Variants in IL17A observed in about 807,000 individuals in gnomAD.
The protein encoded by IL17A is interleukin 17A.
Under a neutral mutation model 7.2 loss-of-function variants are expected in IL17A, and 1 was observed. The ratio of observed to expected loss-of-function variants is 0.14; its 90% confidence interval spans 0.05 to 0.66. The LOEUF (loss-of-function observed/expected upper bound fraction) is 0.66, where lower values mean the gene tolerates loss of function less well. Among genes scored for constraint, IL17A ranks in the 30% least tolerant of loss-of-function variants. The probability of loss-of-function intolerance (pLI) is 0.84; values close to 1 mark genes in which losing one functional copy is unlikely to be tolerated. For synonymous variants in IL17A, 90 were observed against 77.7 expected (o/e 1.16, Z -0.83); for missense variants, 191 against 197.1 (o/e 0.97, Z 0.18).
At chr6:52,186,943 G>T (rs957839397) in intron 1 of IL17A, among the ~76,000 whole-genome samples, 4 of 151,772 alleles carry the variant, frequency 2.6e-5, no homozygotes, top group Non-Finnish European at 5.9e-5. Flanking sequence ...GAATAAGTGG[G>T]GTTTATATTT....
In IL17A at chr6:52,189,317, C is replaced by T. The variant is rs751379882; in HGVS notation, c.*25C>T. The T allele has an allele frequency of 1.3e-6, 2 of 1,585,570 alleles. No homozygotes were observed. The highest frequency in any genetic ancestry group is 2.7e-5 in the African/African-American group (2 of 74,330). On this transcript the variant is annotated 3_prime_UTR_variant, in exon 3 of 3. Coordinates refer to ENST00000648244, the MANE Select transcript of IL17A (RefSeq NM_002190.3). ...AGAGCTCTGGGGAGCCCACACTCCC[C>T]AAAGCAGTTAGACTATGGAGAGCCG...
rs1763338364 is a variant in IL17A at position 52,189,344 on chromosome 6, C to T, written c.*52C>T. On this transcript the variant is annotated 3_prime_UTR_variant, in exon 3 of 3. Coordinates refer to ENST00000648244, the MANE Select transcript of IL17A (RefSeq NM_002190.3). ...AAGCAGTTAGACTATGGAGAGCCGA[C>T]CCAGCCCCTCAGGAACCCTCATCCT... 7.3e-7 allele frequency: 1 copy of T among 1,373,848 alleles called. No individual in the cohort carries two copies. 85.1% of individuals were successfully genotyped at this position (1,373,848 alleles called of 1,614,324 possible). A position where few individuals can be genotyped will look rare whatever the true frequency, so the allele number is the denominator to read the frequency against.
rs1444067564 is a variant in IL17A, at chr6:52,189,270, C to T, written c.446C>T (p.Pro149Leu). Residue 149 changes from proline to leucine, a missense_variant, in exon 3 of 3, where the codon CCG becomes CTG. Coordinates refer to ENST00000648244, the MANE Select transcript of IL17A (RefSeq NM_002190.3). ...TCCGTGGGCTGCACCTGTGTCACCCCGATTGTCCACCATGTGGCCTAAGAG... is the reference window on the plus strand; with the variant it reads ...TCCGTGGGCTGCACCTGTGTCACCCTGATTGTCCACCATGTGGCCTAAGAG... ...LVSVGCTCVTPIVHHVA is the reference protein window; with the variant it reads ...LVSVGCTCVTLIVHHVA 1.9e-6 allele frequency: 3 copies of T among 1,613,856 alleles called. No homozygotes were observed. Among genetic ancestry groups the T allele is most frequent in the Non-Finnish European group, 1.7e-6 (2 of 1,179,936 alleles).
Position 52,189,528 on chromosome 6 carries a change from T to A in IL17A, c.*236T>A. On this transcript the variant is annotated 3_prime_UTR_variant, in exon 3 of 3. Coordinates refer to ENST00000648244, the MANE Select transcript of IL17A (RefSeq NM_002190.3). ...TGACTGAGTACCAATTTGCTTCTTG[T>A]TTACTTTTTTAAGGGCTTTAAGTTA... 2.3e-6 allele frequency: 1 copy of A among 432,708 alleles called. No homozygotes were observed. Among genetic ancestry groups the A allele is most frequent in the Non-Finnish European group, 4.1e-6 (1 of 245,766 alleles). The allele number at this position is 432,708 out of a possible 1,614,324, so 26.8% of individuals were successfully genotyped here. A position where few individuals can be genotyped will look rare whatever the true frequency, so the allele number is the denominator to read the frequency against.
chr6:52,190,034 T>A lies in IL17A; in HGVS notation c.*742T>A, dbSNP rs1445765336. 6.6e-6 allele frequency: 1 copy of A among 152,220 alleles called. No homozygotes were observed. The highest frequency in any genetic ancestry group is 1.5e-5 in the Non-Finnish European group (1 of 68,032). The allele number at this position is 152,220 out of a possible 1,614,324, so 9.4% of individuals were successfully genotyped here. ...TAATAAAGTTTCAAAAGAAAATGTTTATTTGTTCTCATTAAATGTATTTTA... is the reference window on the plus strand; with the variant it reads ...TAATAAAGTTTCAAAAGAAAATGTTAATTTGTTCTCATTAAATGTATTTTA... On this transcript the variant is annotated 3_prime_UTR_variant, in exon 3 of 3. Transcript: ENST00000648244.
At chr6:52,187,145 C>T (rs184086638) in intron 1 of IL17A, among the ~76,000 whole-genome samples, 2 of 152,260 alleles carry the variant, frequency 1.3e-5, no homozygotes, top group East Asian at 3.9e-4. Flanking sequence ...TTTTCTATAG[C>T]TCTTTCTTCC....
chr6:52,188,898 T>C (rs1033847646), intron 2 of IL17A, among the ~76,000 whole-genome samples, 157 bp from the exon 3 acceptor site: 3 of 152,210 alleles, frequency 2.0e-5, no homozygotes, highest in Admixed American at 1.3e-4. Context: ...ATCCAATTTG[T>C]CCCCAAAGTT....
In IL17A at chr6:52,190,239, A is replaced by G. The variant is rs1763355343; in HGVS notation, c.*947A>G. The G allele has an allele frequency of 1.3e-5, 2 of 152,226 alleles. No individual in the cohort carries two copies. Among genetic ancestry groups the G allele is most frequent in the South Asian group, 4.1e-4 (2 of 4,830 alleles). 9.4% of individuals were successfully genotyped at this position (152,226 alleles called of 1,614,324 possible). A position where few individuals can be genotyped will look rare whatever the true frequency, so the allele number is the denominator to read the frequency against. ...TACTATTAGCCAATGCTGTAGACAG[A>G]AGCATTTTGATAGGAATAGAGCAAA... On this transcript the variant is annotated 3_prime_UTR_variant, in exon 3 of 3. Transcript: ENST00000648244.
chr6:52,189,225 G>T lies in IL17A; in HGVS notation c.401G>T (p.Arg134Leu). The change falls in exon 3 of 3, where the codon CGG (arginine) becomes CTG (leucine). Residue 134 changes from arginine to leucine, a missense_variant. Physicochemically the swap from Arg to Leu is moderately radical, Grantham distance 102 (BLOSUM62 -2). Transcript: ENST00000648244. ...CCTCCACACTGCCCCAACTCCTTCC[G>T]GCTGGAGAAGATACTGGTGTCCGTG... is the stretch of plus-strand genomic sequence containing the variant. ...REPPHCPNSFRLEKILVSVGC... is the reference protein window; with the variant it reads ...REPPHCPNSFLLEKILVSVGC... 6.2e-7 allele frequency: 1 copy of T among 1,614,062 alleles called. No homozygotes were observed. Among genetic ancestry groups the T allele is most frequent in the Non-Finnish European group, 8.5e-7 (1 of 1,179,996 alleles).
At position 52,189,162 on chromosome 6, in the gene IL17A, T is replaced by C. The variant is rs1763333691; in HGVS notation, c.338T>C (p.Val113Ala). The part of the protein sequence containing the change: ...DGNVDYHMNS[V>A]PIQQEILVLR... The stretch of plus-strand genomic sequence containing the variant: ...AACGTGGACTACCACATGAACTCTG[T>C]CCCCATCCAGCAAGAGATCCTGGTC... Residue 113 changes from valine (V) to alanine (A), a missense_variant, in exon 3 of 3, where the codon GTC (valine) becomes GCC (alanine). Coordinates refer to ENST00000648244, the MANE Select transcript of IL17A (RefSeq NM_002190.3). 2 of 1,613,992 alleles carry C rather than the reference T, an allele frequency of 1.2e-6. No homozygotes were observed. The highest frequency in any genetic ancestry group is 1.3e-5 in the African/African-American group (1 of 74,906).
chr6:52,188,746 C>T (rs913386491), intron 2 of IL17A, among the ~76,000 whole-genome samples: 6 of 151,886 alleles, frequency 4.0e-5, no homozygotes, highest in Non-Finnish European at 5.9e-5. Flanking sequence ...GTCAAATGTA[C>T]CCTAAAAAAG....
chr6:52,188,997 A>C (rs1049446562), intron 2 of IL17A, 58 bp from the exon 3 acceptor site: 8 of 1,346,634 alleles, frequency 5.9e-6, no homozygotes, highest in East Asian at 2.3e-5. Context: ...TTCCTGTTTT[A>C]TTTCTTTCCC....
At chr6:52,188,567 C>A (rs1403439485) in intron 2 of IL17A, among the ~76,000 whole-genome samples, 4 of 152,150 alleles carry the variant, frequency 2.6e-5, no homozygotes, top group Admixed American at 2.0e-4. Flanking sequence ...GACACTTAAC[C>A]TTTTGTTTCC....
intron 2 of IL17A, 115 bp from the exon 3 acceptor site, chr6:52,188,940 G>T: frequency 3.1e-6 from 2 of 650,810 alleles, no homozygotes; most frequent in South Asian, 2.0e-5. Flanking sequence ...TAAAGAATTT[G>T]CAATGCCTAT....
intron 2 of IL17A, 56 bp downstream of exon 2, chr6:52,187,861 A>G: frequency 1.5e-6 from 2 of 1,367,606 alleles, no homozygotes; most frequent in South Asian, 2.3e-5. Context: ...TATGCATCAG[A>G]CTGCCAGTTA....
At position 52,187,584 on chromosome 6, in the gene IL17A, C is replaced by T; in HGVS notation, c.28-19C>T. The T allele has an allele frequency of 6.3e-7, 1 of 1,599,008 alleles. No homozygotes were observed. Among genetic ancestry groups the T allele is most frequent in the South Asian group, 1.1e-5 (1 of 90,766 alleles). ...TAATCTAATCTCCAACCTCTCTCTC[C>T]TTTCCCATTCAATTCTAGTCACTGC... On this transcript the variant is annotated intron_variant, in intron 1 of 2. Coordinates refer to ENST00000648244, the MANE Select transcript of IL17A (RefSeq NM_002190.3).
Position 52,189,167 on chromosome 6 carries a change from A to G in IL17A, c.343A>G (p.Ile115Val), listed in dbSNP as rs748124159. 6.2e-7 allele frequency: 1 copy of G among 1,614,134 alleles called. No individual in the cohort carries two copies. Among genetic ancestry groups the G allele is most frequent in the Non-Finnish European group, 8.5e-7 (1 of 1,179,994 alleles). The change falls in exon 3 of 3, where the codon ATC becomes GTC. Residue 115 changes from isoleucine (I) to valine (V), a missense_variant. Transcript: ENST00000648244. Reference protein sequence around the residue: ...NVDYHMNSVPIQQEILVLRRE... With the variant: ...NVDYHMNSVPVQQEILVLRRE... ...GGACTACCACATGAACTCTGTCCCC[A>G]TCCAGCAAGAGATCCTGGTCCTGCG...
Position 52,190,482 on chromosome 6 carries a change from G to A in IL17A, c.*1190G>A, listed in dbSNP as rs1470448591. 1.3e-5 allele frequency: 2 copies of A among 152,136 alleles called. No individual in the cohort carries two copies. The highest frequency in any genetic ancestry group is 2.9e-5 in the Non-Finnish European group (2 of 68,016). The allele number at this position is 152,136 out of a possible 1,614,324, so 9.4% of individuals were successfully genotyped here. ...TCCTCAAGCAACACTCCTAGGGCCT[G>A]GCTTCTGTCTGATCAAGGCACCACA... On this transcript the variant is annotated 3_prime_UTR_variant, in exon 3 of 3. Transcript: ENST00000648244.
In IL17A at chr6:52,189,628, G is replaced by T; in HGVS notation, c.*336G>T. 1.1e-5 allele frequency: 2 copies of T among 189,566 alleles called. No homozygotes were observed. Among genetic ancestry groups the T allele is most frequent in the South Asian group, 1.8e-4 (1 of 5,612 alleles). The allele number at this position is 189,566 out of a possible 1,614,324, so 11.7% of individuals were successfully genotyped here. ...TTTAATGAATTACCTACTTTATTTT[G>T]TTTGTCTTTTTAAAGAAGATAAGAT... On this transcript the variant is annotated 3_prime_UTR_variant, in exon 3 of 3. Coordinates refer to ENST00000648244, the MANE Select transcript of IL17A (RefSeq NM_002190.3).
Sources: gnomAD v4.1 joint callset for allele counts (sites outside exome capture counted in the v4.1 genomes callset) on GRCh38, gnomAD v4.1.1 for gene constraint, MANE v1.5 for transcripts, NCBI Gene and HGNC (gene_info 2026-07-23, HGNC 2026-07-21) for gene names.